Variants in PRKCQ observed in about 807,000 individuals in gnomAD.
The protein encoded by PRKCQ is protein kinase C theta type.
PRKCQ carries 41 observed loss-of-function variants against 91.2 expected under a neutral mutation model. That is an observed-to-expected ratio of 0.45 (90% CI 0.35 to 0.58). The LOEUF (loss-of-function observed/expected upper bound fraction) is 0.58, where lower values mean the gene tolerates loss of function less well. PRKCQ is among the 20% of genes least tolerant of loss of function. PRKCQ has a pLI of 0.00. For synonymous variants in PRKCQ, 307 were observed against 316.9 expected (o/e 0.97, Z 0.33); for missense variants, 673 against 896.5 (o/e 0.75, Z 3.18).
At chr10:6,530,874 C>A (rs1839366582) in intron 1 of PRKCQ, among the ~76,000 whole-genome samples, 1 of 152,176 alleles carries the variant, frequency 6.6e-6, no homozygotes, top group African/African-American at 2.4e-5. Flanking sequence ...AACTGACCAC[C>A]CATTGGCATT....
chr10:6,570,262 G>A (rs1840991671), intron 1 of PRKCQ, among the ~76,000 whole-genome samples: 1 of 152,186 alleles, frequency 6.6e-6, no homozygotes, highest in African/African-American at 2.4e-5. Context: ...AAGACATGTG[G>A]GGTGAGGAAG....
chr10:6,466,004 A>G (rs1340513120), intron 12 of PRKCQ, among the ~76,000 whole-genome samples: 2 of 152,218 alleles, frequency 1.3e-5, no homozygotes, highest in African/African-American at 4.8e-5. Context: ...TCTCATCAGC[A>G]CCACAGAAAG....
intron 1 of PRKCQ, among the ~76,000 whole-genome samples, chr10:6,549,378 C>T (rs1328730793): frequency 6.6e-6 from 1 of 152,084 alleles, no homozygotes; most frequent in Non-Finnish European, 1.5e-5. Flanking sequence ...ACATCAAAGA[C>T]TGGACTAAAG....
At chr10:6,553,930 G>A (rs750038639) in intron 1 of PRKCQ, among the ~76,000 whole-genome samples, 23 of 151,106 alleles carry the variant, frequency 1.5e-4, no homozygotes, top group Non-Finnish European at 8.8e-5. Flanking sequence ...ATTATATTTG[G>A]TATGGAGAAA....
At chr10:6,579,899 CCCCCTTTCGTTCAGGTGAGAAG>C (rs1564405155) in intron 1 of PRKCQ, among the ~76,000 whole-genome samples, 1 of 151,464 alleles carries the variant, frequency 6.6e-6, no homozygotes, top group Admixed American at 6.6e-5. Flanking sequence ...TCCCCGCAGG[CCCCCTTTCGTTCAGGTGAGAAG>C]GAAAAGGGAG....
rs372722409 is a variant in PRKCQ at position 6,544,578 on chromosome 10, G to A, written c.-9-29434C>T. Among the ~76,000 whole-genome samples the A allele has an allele frequency of 1.1e-4, 17 of 151,024 alleles. No homozygotes were observed. In the South Asian group the frequency reaches 3.6e-3, roughly 32 times the overall value. The stretch of plus-strand genomic sequence containing the variant: ...TAGAATCTGAATTTGTGTGATGACT[G>A]TTTAACCTCCTCTCTCGCCTAAGCA... On this transcript the variant is annotated intron_variant, in intron 1 of 17. Transcript: ENST00000263125.
rs1159551126 is a variant in PRKCQ at position 6,430,047 on chromosome 10, G to T, written c.1965+763C>A. 6.6e-6 allele frequency among the ~76,000 whole-genome samples: 1 copy of T among 152,150 alleles called. No individual in the cohort carries two copies. ...TTTTTGTATTTTTAGTAGAGACAAG[G>T]TTTCACCATGTTGGCCAGGCTGACC... is the stretch of plus-strand genomic sequence containing the variant. On this transcript the variant is annotated intron_variant, in intron 17 of 17. Transcript: ENST00000263125. This position sits in a 1 kb window ranked among gnomAD's most constrained non-coding sequence, Gnocchi z 4.7.
chr10:6,567,109 T>G (rs1014702650), intron 1 of PRKCQ, among the ~76,000 whole-genome samples: 5 of 152,020 alleles, frequency 3.3e-5, no homozygotes, highest in Non-Finnish European at 7.4e-5. Flanking sequence ...GAGACAATAA[T>G]TGCATTAAAA....
chr10:6,419,596 C>G, the PRKCQ span, among the ~76,000 whole-genome samples: 3 of 149,926 alleles, frequency 2.0e-5, no homozygotes, highest in Non-Finnish European at 4.4e-5. Flanking sequence ...ACAAAGTATT[C>G]TTTTATTTGG....
At chr10:6,404,217 TAG>T in the PRKCQ span, among the ~76,000 whole-genome samples, 18 of 98,108 alleles carry the variant, frequency 1.8e-4, no homozygotes, top group Admixed American at 4.7e-4. Flanking sequence ...AAGAAAAAAC[TAG>T]AGAGAGAGAG....
At chr10:6,451,400 A>C (rs1389001779) in intron 15 of PRKCQ, among the ~76,000 whole-genome samples, 1 of 152,184 alleles carries the variant, frequency 6.6e-6, no homozygotes, top group African/African-American at 2.4e-5. Flanking sequence ...CTCTGAATAG[A>C]CCAATAACAG....
At chr10:6,431,433 T>C (rs1254449958) in intron 16 of PRKCQ, among the ~76,000 whole-genome samples, 1 of 151,968 alleles carries the variant, frequency 6.6e-6, no homozygotes, top group Non-Finnish European at 1.5e-5. Context: ...TACATACACA[T>C]GAACACATGC....
Position 6,543,348 on chromosome 10 carries a change from C to G in PRKCQ, c.-9-28204G>C, listed in dbSNP as rs59838055. On this transcript the variant is annotated intron_variant, in intron 1 of 17. Coordinates refer to ENST00000263125, the MANE Select transcript of PRKCQ (RefSeq NM_006257.5). ...CCCTTAGCTTTCAGCTGAGCGCAGTCTGGTCTCTTTCAGTCTCCAGACAGA... is the reference window on the plus strand; with the variant it reads ...CCCTTAGCTTTCAGCTGAGCGCAGTGTGGTCTCTTTCAGTCTCCAGACAGA... 7.2e-5 allele frequency among the ~76,000 whole-genome samples: 11 copies of G among 152,324 alleles called. No individual in the cohort carries two copies. In the East Asian group the frequency reaches 2.1e-3, roughly 29 times the overall value.
chr10:6,405,178 T>C, the PRKCQ span, among the ~76,000 whole-genome samples: 1 of 152,190 alleles, frequency 6.6e-6, no homozygotes, highest in African/African-American at 2.4e-5. Context: ...AGACAGGGTT[T>C]CACCATGTTG....
At chr10:6,566,932 C>T (rs984996244) in intron 1 of PRKCQ, among the ~76,000 whole-genome samples, 1 of 152,016 alleles carries the variant, frequency 6.6e-6, no homozygotes, top group African/African-American at 2.4e-5. Flanking sequence ...ATGATATGAA[C>T]GTTTGGAAAC....
intron 15 of PRKCQ, among the ~76,000 whole-genome samples, chr10:6,446,785 C>G (rs1447220070): frequency 6.6e-6 from 1 of 152,204 alleles, no homozygotes; most frequent in Non-Finnish European, 1.5e-5. Flanking sequence ...CTTTTTCAGT[C>G]CTTGCTTTGA....
intron 12 of PRKCQ, among the ~76,000 whole-genome samples, chr10:6,472,561 T>G (rs2130743069): frequency 6.6e-6 from 1 of 152,340 alleles, no homozygotes; most frequent in African/African-American, 2.4e-5. Context: ...GTTTTACGCC[T>G]TGAGAGAGAT....
At chr10:6,514,526 G>T (rs1337317289) in intron 2 of PRKCQ, among the ~76,000 whole-genome samples, 1 of 152,202 alleles carries the variant, frequency 6.6e-6, no homozygotes. Flanking sequence ...GAGTGCAAAA[G>T]TACGTTTTCT....
intron 15 of PRKCQ, among the ~76,000 whole-genome samples, chr10:6,452,108 A>G (rs947793707): frequency 7.9e-5 from 12 of 152,188 alleles, no homozygotes; most frequent in African/African-American, 2.9e-4. Context: ...AATAAAGGGT[A>G]TTCAATTAGG....
Sources: allele counts gnomAD v4.1 joint callset (sites outside exome capture counted in the v4.1 genomes callset), GRCh38; gene constraint gnomAD v4.1.1; non-coding constraint Gnocchi (gnomAD v3.1); transcripts MANE v1.5; gene names NCBI Gene and HGNC (gene_info 2026-07-23, HGNC 2026-07-21).